Variants in NLRP2 observed in about 807,000 individuals in gnomAD.
NLRP2 encodes the protein NLR family pyrin domain containing 2.
NLRP2 carries 107 observed loss-of-function variants against 97.2 expected under a neutral mutation model. The ratio of observed to expected loss-of-function variants is 1.10; its 90% CI spans 0.94 to 1.29. The LOEUF (loss-of-function observed/expected upper bound fraction) is 1.29, where lower values mean the gene tolerates loss of function less well. Ranked by LOEUF, NLRP2 falls within the 50% of genes most tolerant of loss-of-function variation. NLRP2 has a pLI of 0.00. For missense variants in NLRP2, 1,495 were observed against 1,330.3 expected (o/e 1.12, Z -1.93); for synonymous variants, 663 against 551.5 (o/e 1.20, Z -2.83).
At chr19:54,977,865 C>T (rs759480500) in intron 4 of NLRP2, 42 bp downstream of exon 4, 6 of 1,568,164 alleles carry the variant, frequency 3.8e-6, no homozygotes, top group Non-Finnish European at 3.5e-6. Flanking sequence ...GCTGAGGAAG[C>T]CCCCCGTTCT....
chr19:54,973,200 A>C (rs1469032591), intron 2 of NLRP2, among the ~76,000 whole-genome samples: 39 of 146,114 alleles, frequency 2.7e-4, no homozygotes, highest in Admixed American at 2.4e-3. Context: ...AAAAAAAAAA[A>C]CAAACAAACA....
At chr19:54,972,548 C>T (rs1430548344) in intron 2 of NLRP2, among the ~76,000 whole-genome samples, 1 of 152,008 alleles carries the variant, frequency 6.6e-6, no homozygotes, top group African/African-American at 2.4e-5. Context: ...AATCACAGCT[C>T]ACTGCAGCCT....
rs371887051 is a variant in NLRP2 at position 54,982,885 on chromosome 19, C to T, written c.1187C>T (p.Ser396Leu). ...AACGCGGCCCTGTTCCAGCTGGGCTCGGCCCCCGCGGTGTGCTGGATCGTG... is the reference window on the plus strand; with the variant it reads ...AACGCGGCCCTGTTCCAGCTGGGCTTGGCCCCCGCGGTGTGCTGGATCGTG... ...RSNAALFQLGSAPAVCWIVCT... is the reference protein window; with the variant it reads ...RSNAALFQLGLAPAVCWIVCT... The change falls in exon 6 of 13, where the codon TCG (serine) becomes TTG (leucine). Residue 396 changes from serine (S) to leucine (L), a missense_variant. Physicochemically the swap from Ser to Leu is moderately radical, Grantham distance 145 (BLOSUM62 -2). Coordinates refer to ENST00000448584, the MANE Select transcript of NLRP2 (RefSeq NM_017852.5). The T allele has an allele frequency of 9.9e-6, 16 of 1,612,914 alleles. No individual in the cohort carries two copies. The African/African-American group carries it at 1.6e-4, about 16-fold the overall frequency.
At chr19:54,989,356 C>T (rs932407141) in intron 8 of NLRP2, among the ~76,000 whole-genome samples, 2 of 152,080 alleles carry the variant, frequency 1.3e-5, no homozygotes, top group African/African-American at 2.4e-5. Flanking sequence ...CCTGTAATCC[C>T]AGCTACTCAG....
At chr19:54,967,737 T>G (rs2070556334) in intron 1 of NLRP2, among the ~76,000 whole-genome samples, 1 of 152,110 alleles carries the variant, frequency 6.6e-6, no homozygotes, top group Admixed American at 6.6e-5. Flanking sequence ...TGAGTCCTCT[T>G]AACAAGAAGG....
intron 2 of NLRP2, chr19:54,973,735 C>A: frequency 4.4e-6 from 2 of 456,838 alleles, no homozygotes; most frequent in Non-Finnish European, 8.5e-6. Flanking sequence ...AGGAGGAAAC[C>A]CAGAGAGTTG....
chr19:54,978,535 G>A (rs1004292180), intron 4 of NLRP2, among the ~76,000 whole-genome samples: 3 of 152,032 alleles, frequency 2.0e-5, no homozygotes, highest in East Asian at 1.9e-4. Context: ...GAGAGCCACC[G>A]TACCCGGCCT....
Position 55,001,095 on chromosome 19 carries a change from A to G in NLRP2, c.*197A>G. 1.8e-6 allele frequency: 1 copy of G among 567,620 alleles called. No individual in the cohort carries two copies. The highest frequency in any genetic ancestry group is 3.2e-6 in the Non-Finnish European group (1 of 317,084). 35.2% of individuals were successfully genotyped at this position (567,620 alleles called of 1,614,324 possible). ...TCTTTGTTACATATGAAATATCTGT[A>G]TCACGGGTATATTGAGAGAAATAAA... On this transcript the variant is annotated 3_prime_UTR_variant, in exon 13 of 13. Coordinates refer to ENST00000448584, the MANE Select transcript of NLRP2 (RefSeq NM_017852.5).
intron 4 of NLRP2, among the ~76,000 whole-genome samples, chr19:54,980,859 C>T (rs1394623260): frequency 6.6e-6 from 1 of 152,198 alleles, no homozygotes; most frequent in East Asian, 1.9e-4. Context: ...CCTGCAATCC[C>T]AGCACTTTGG....
chr19:54,990,269 G>T (rs1480231067), intron 9 of NLRP2, 77 bp downstream of exon 9: 7 of 1,470,138 alleles, frequency 4.8e-6, no homozygotes, highest in Non-Finnish European at 6.7e-6. Context: ...TGCCTGACTT[G>T]GCTGTATGGA....
chr19:54,969,068 G>A (rs1052429133), intron 1 of NLRP2, among the ~76,000 whole-genome samples: 13 of 152,168 alleles, frequency 8.5e-5, no homozygotes, highest in Non-Finnish European at 1.5e-4. Flanking sequence ...GATCCACGTA[G>A]CTCCCCACTT....
At position 54,987,602 on chromosome 19, in the gene NLRP2, C is replaced by A. The variant is rs28731140; in HGVS notation, c.2366+1287C>A. ...ACTAATAATACAAAAATTAGCTGGG[C>A]ATGTTGGCGCACGCCTGTAGTCCCA... On this transcript the variant is annotated intron_variant, in intron 8 of 12. Coordinates refer to ENST00000448584, the MANE Select transcript of NLRP2 (RefSeq NM_017852.5). 8.2e-3 allele frequency among the ~76,000 whole-genome samples: 1,242 copies of A among 152,126 alleles called. 13 individuals carry two copies. Among genetic ancestry groups the A allele is most frequent in the African/African-American group, 0.027 (1,139 of 41,474 alleles).
chr19:54,970,338 G>T (rs369698999), intron 2 of NLRP2, 43 bp downstream of exon 2: 8 of 1,610,004 alleles, frequency 5.0e-6, no homozygotes, highest in Non-Finnish European at 5.9e-6. Context: ...GAGGAAGCAG[G>T]CGTCCTCTCC....
intron 10 of NLRP2, 82 bp downstream of exon 10, chr19:54,990,754 G>A (rs1385688257): frequency 2.1e-6 from 3 of 1,408,682 alleles, no homozygotes; most frequent in South Asian, 1.2e-5. Flanking sequence ...GTGGTTATGA[G>A]AACACTTAAT....
chr19:54,990,730 C>T lies in NLRP2; in HGVS notation c.2708+58C>T, dbSNP rs181402750. ...TGTATATGCACACGCCCCCCACCTC[C>T]GGGTTTGAGTAGGGTGGTTATGAGA... On this transcript the variant is annotated intron_variant, in intron 10 of 12. Transcript: ENST00000448584. 4.9e-4 allele frequency: 772 copies of T among 1,576,372 alleles called. 5 individuals are homozygous for T. The African/African-American group carries it at 8.6e-3, about 18-fold the overall frequency.
chr19:54,993,522 T>TA, intron 10 of NLRP2: 1 of 154,370 alleles, frequency 6.5e-6, no homozygotes, highest in Non-Finnish European at 1.4e-5. Context: ...TGTTGGAGTG[T>TA]GAGCTGGTGT....
At chr19:54,989,861 C>T in intron 8 of NLRP2, 161 bp from the exon 9 acceptor site, 1 of 706,818 alleles carries the variant, frequency 1.4e-6, no homozygotes, top group Middle Eastern at 3.9e-4. Context: ...GTGCATGGTG[C>T]ATGCCTGCAG....
Position 54,971,284 on chromosome 19 carries a change from G to A in NLRP2, c.280+989G>A, listed in dbSNP as rs564171793. On this transcript the variant is annotated intron_variant, in intron 2 of 12. Transcript: ENST00000448584. ...GTGAATAATGCTGCAATAAACATAC[G>A]TGTGCATGTGTCTTTATAGCAGCAT... Among the ~76,000 whole-genome samples the A allele has an allele frequency of 2.7e-4, 40 of 149,632 alleles. No homozygotes were observed. The East Asian group carries it at 7.1e-3, about 27-fold the overall frequency.
Position 54,967,220 on chromosome 19 carries a change from C to T in NLRP2, c.-18+753C>T, listed in dbSNP as rs138837912. ...TGGTTCTGCCTGTCTCAGTGGCTCA[C>T]GCCTGTAATCGCAGCGCTTTGGGAG... On this transcript the variant is annotated intron_variant, in intron 1 of 12. Transcript: ENST00000448584. Among the ~76,000 whole-genome samples the T allele has an allele frequency of 2.8e-3, 421 of 152,212 alleles. 1 individual carries two copies. The highest frequency in any genetic ancestry group is 4.7e-3 in the Non-Finnish European group (323 of 68,028).
Sources: gnomAD v4.1 joint callset for allele counts (sites outside exome capture counted in the v4.1 genomes callset) on GRCh38, gnomAD v4.1.1 for gene constraint, MANE v1.5 for transcripts, NCBI Gene and HGNC (gene_info 2026-07-23, HGNC 2026-07-21) for gene names.